Variants in BAZ2B observed in about 807,000 individuals in gnomAD.
The protein encoded by BAZ2B is bromodomain adjacent to zinc finger domain protein 2B.
A neutral mutation model predicts 246.0 loss-of-function variants in BAZ2B; 91 were observed. The ratio of observed to expected loss-of-function variants is 0.37; its 90% CI spans 0.31 to 0.44. The LOEUF (loss-of-function observed/expected upper bound fraction) is 0.44. Ranked by LOEUF, BAZ2B falls within the 20% of genes least tolerant of loss-of-function variation. The pLI is 1.00. For missense variants in BAZ2B, 2,332 were observed against 2,533.7 expected, an observed-to-expected ratio of 0.92 and a Z score of 1.71; for synonymous variants, 855 against 860.0, an observed-to-expected ratio of 0.99 and a Z score of 0.10.
intron 31 of BAZ2B, among the ~76,000 whole-genome samples, chr2:159,343,744 C>A (rs1321057952): frequency 1.3e-5 from 2 of 151,910 alleles, no homozygotes; most frequent in Admixed American, 1.3e-4. Flanking sequence ...AGAAAAAAAA[C>A]GGCCGGGCGC....
intron 33 of BAZ2B, among the ~76,000 whole-genome samples, chr2:159,333,675 C>T (rs538028372): frequency 5.9e-5 from 9 of 152,114 alleles, no homozygotes; most frequent in African/African-American, 9.6e-5. Flanking sequence ...GGTATTTATA[C>T]GCTCTTAAAA....
At position 159,320,151 on chromosome 2, in the gene BAZ2B, A is replaced by C; in HGVS notation, c.*114T>G. ...TTCTGATACTTTTTTTTTATACTTA[A>C]GGAAAAAGAAAGTCATTATGTATGT... On this transcript the variant is annotated 3_prime_UTR_variant, in exon 37 of 37. Transcript: ENST00000392783. 1 of 943,142 alleles carries C rather than the reference A, an allele frequency of 1.1e-6. No homozygotes were observed. Among genetic ancestry groups the C allele is most frequent in the Non-Finnish European group, 1.4e-6 (1 of 699,054 alleles). The allele number at this position is 943,142 out of a possible 1,614,324, so 58.4% of individuals were successfully genotyped here. A position where few individuals can be genotyped will look rare whatever the true frequency, so the allele number is the denominator to read the frequency against.
chr2:159,386,341 G>A lies in BAZ2B; in HGVS notation c.3471+12C>T. The A allele has an allele frequency of 5.7e-6, 9 of 1,579,406 alleles. No individual in the cohort carries two copies. The highest frequency in any genetic ancestry group is 7.8e-6 in the Non-Finnish European group (9 of 1,160,098). On this transcript the variant is annotated intron_variant, in intron 22 of 36. Coordinates refer to ENST00000392783, the MANE Select transcript of BAZ2B (RefSeq NM_013450.4). ...ACAAATTTAAAACATTTTATATTTTGTTTTTTTTTACCTTGTATCCTGTTA... is the reference window on the plus strand; with the variant it reads ...ACAAATTTAAAACATTTTATATTTTATTTTTTTTTACCTTGTATCCTGTTA...
chr2:159,536,817 C>A (rs1182516607), intron 2 of BAZ2B, among the ~76,000 whole-genome samples: 1 of 151,896 alleles, frequency 6.6e-6, no homozygotes, highest in Non-Finnish European at 1.5e-5. Flanking sequence ...TTCTGAATTA[C>A]GACAAAAATT....
At chr2:159,643,876 C>CAAAAAAA in the BAZ2B span, among the ~76,000 whole-genome samples, 2 of 65,898 alleles carry the variant, frequency 3.0e-5, no homozygotes, top group Non-Finnish European at 5.7e-5. Flanking sequence ...AACTCCATCA[C>CAAAAAAA]AAAAAAAAAA....
intron 4 of BAZ2B, among the ~76,000 whole-genome samples, 168 bp downstream of exon 4, chr2:159,453,445 G>A (rs550882968): frequency 2.0e-5 from 3 of 152,250 alleles, no homozygotes; most frequent in African/African-American, 7.2e-5. Context: ...AACACACTTA[G>A]GGTGTTTAAT....
chr2:159,527,984 G>T (rs2084937187), intron 2 of BAZ2B, among the ~76,000 whole-genome samples: 2 of 152,110 alleles, frequency 1.3e-5, no homozygotes, highest in South Asian at 4.1e-4. Context: ...CACACCTCTT[G>T]CTTTAAGGAA....
chr2:159,367,381 G>C (rs911481198), intron 27 of BAZ2B, among the ~76,000 whole-genome samples: 3 of 152,066 alleles, frequency 2.0e-5, no homozygotes, highest in Non-Finnish European at 4.4e-5. Context: ...TGTAATGCTT[G>C]TGGTATATAT....
intron 6 of BAZ2B, among the ~76,000 whole-genome samples, chr2:159,439,889 C>T (rs576264190): frequency 5.2e-4 from 79 of 151,880 alleles, no homozygotes; most frequent in Admixed American, 9.8e-4. Context: ...ATAAATATGA[C>T]GAGAGAGATT....
At chr2:159,441,687 T>C (rs2073424547) in intron 6 of BAZ2B, among the ~76,000 whole-genome samples, 3 of 152,198 alleles carry the variant, frequency 2.0e-5, no homozygotes, top group African/African-American at 4.8e-5. Flanking sequence ...TCTCACTTTG[T>C]CACCTACGCT....
the BAZ2B span, among the ~76,000 whole-genome samples, chr2:159,654,303 C>T: frequency 1.3e-5 from 2 of 152,188 alleles, no homozygotes; most frequent in East Asian, 3.9e-4. Context: ...CAGCATGTAA[C>T]ACATAAAGAA....
At chr2:159,581,063 A>T (rs575047471) in intron 1 of BAZ2B, among the ~76,000 whole-genome samples, 28 of 152,330 alleles carry the variant, frequency 1.8e-4, no homozygotes, top group African/African-American at 5.1e-4. Flanking sequence ...CACAATTGAC[A>T]AATGGGATCT....
chr2:159,322,165 A>C (rs1368199246), intron 36 of BAZ2B: 2 of 152,214 alleles, frequency 1.3e-5, no homozygotes, highest in Non-Finnish European at 2.9e-5. Context: ...TCTGTGCGAT[A>C]ATGAAAGAAA....
At chr2:159,381,701 A>T (rs928955825) in intron 25 of BAZ2B, among the ~76,000 whole-genome samples, 1 of 152,212 alleles carries the variant, frequency 6.6e-6, no homozygotes, top group Middle Eastern at 3.4e-3. Flanking sequence ...ATTAATGCTG[A>T]CCATGCCATT....
At chr2:159,661,954 C>T in the BAZ2B span, among the ~76,000 whole-genome samples, 1 of 152,082 alleles carries the variant, frequency 6.6e-6, no homozygotes, top group Non-Finnish European at 1.5e-5. Context: ...ACTCCCTGAC[C>T]ACCCCCCACC....
intron 3 of BAZ2B, among the ~76,000 whole-genome samples, chr2:159,475,676 T>A (rs185451801): frequency 7.9e-5 from 12 of 152,354 alleles, no homozygotes; most frequent in Admixed American, 6.5e-4. Context: ...TGGTTTTTCC[T>A]CATCTTTGTG....
chr2:159,582,979 C>T (rs918409032), intron 1 of BAZ2B, among the ~76,000 whole-genome samples: 1 of 151,320 alleles, frequency 6.6e-6, no homozygotes, highest in South Asian at 2.1e-4. Context: ...GCTAACTCAA[C>T]AAAAAATAAT....
At chr2:159,363,619 C>T (rs1326636685) in intron 27 of BAZ2B, among the ~76,000 whole-genome samples, 3 of 152,056 alleles carry the variant, frequency 2.0e-5, no homozygotes, top group Admixed American at 1.3e-4. Context: ...AGGAGTAGAC[C>T]GATAGGCTGA....
chr2:159,620,954 C>T (rs536001706), upstream of BAZ2B, among the ~76,000 whole-genome samples: 1 of 152,180 alleles, frequency 6.6e-6, no homozygotes, highest in African/African-American at 2.4e-5. Context: ...GCTTAACAGT[C>T]CGTAAGAATG....
Sources: allele counts gnomAD v4.1 joint callset (sites outside exome capture counted in the v4.1 genomes callset), GRCh38; gene constraint gnomAD v4.1.1; transcripts MANE v1.5; gene names NCBI Gene and HGNC (gene_info 2026-07-23, HGNC 2026-07-21).